The following NEB variants were observed in gnomAD, a reference collection of about 807,000 sequenced individuals.
NEB encodes nebulin.
Under a neutral mutation model 952.2 loss-of-function variants are expected in NEB, and 512 were observed. The observed-to-expected ratio is 0.54, with a 90% CI of 0.50 to 0.58. The LOEUF (loss-of-function observed/expected upper bound fraction) is 0.58, where lower values mean the gene tolerates loss of function less well. NEB is among the 20% of genes least tolerant of loss of function. The pLI, the probability that NEB is intolerant of heterozygous loss-of-function variation, is 0.00. For synonymous variants in NEB, 2,900 were observed against 3,149.8 expected, an observed-to-expected ratio of 0.92 and a Z score of 2.66; for missense variants, 8,428 against 9,231.1, an observed-to-expected ratio of 0.91 and a Z score of 3.56.
At chr2:151,646,078 G>C (rs200970764) in intron 55 of NEB, 52 bp downstream of exon 55, 27 of 1,347,804 alleles carry the variant, frequency 2.0e-5, no homozygotes, top group Non-Finnish European at 2.1e-5. Flanking sequence ...CACTGATTTA[G>C]AAACAATTAA....
intron 46 of NEB, among the ~76,000 whole-genome samples, chr2:151,660,365 T>C (rs772117445): frequency 7.9e-5 from 12 of 152,020 alleles, no homozygotes; most frequent in Admixed American, 3.9e-4. Context: ...TGTGTGTATG[T>C]ATGTATGTAT....
chr2:151,537,357 A>T, intron 140 of NEB, 121 bp from the exon 141 acceptor site: 1 of 592,086 alleles, frequency 1.7e-6, no homozygotes, highest in Non-Finnish European at 3.0e-6. Flanking sequence ...ATAATAAAGT[A>T]TTAAAACAAT....
intron 68 of NEB, among the ~76,000 whole-genome samples, chr2:151,628,500 C>T (rs1333258163): frequency 1.3e-5 from 2 of 152,070 alleles, no homozygotes. Flanking sequence ...TATTTTCTCC[C>T]TATTTCAGAC....
At chr2:151,668,753 C>T (rs2099250443) in intron 39 of NEB, among the ~76,000 whole-genome samples, 1 of 152,084 alleles carries the variant, frequency 6.6e-6, no homozygotes, top group South Asian at 2.1e-4. Flanking sequence ...CCAATCTTGT[C>T]TGTCTCATGT....
intron 44 of NEB, among the ~76,000 whole-genome samples, 155 bp from the exon 45 acceptor site, chr2:151,664,014 T>G (rs2099176331): frequency 2.1e-5 from 1 of 48,546 alleles, no homozygotes; most frequent in Admixed American, 3.5e-4. Context: ...CAAACTCTTT[T>G]TACTTCATTT....
In NEB at chr2:151,672,550, T is replaced by C. The variant is rs1311468353; in HGVS notation, c.4118A>G (p.Asn1373Ser). The C allele has an allele frequency of 2.5e-6, 4 of 1,613,854 alleles. No individual in the cohort carries two copies. The highest frequency in any genetic ancestry group is 3.4e-6 in the Non-Finnish European group (4 of 1,179,894). Residue 1373 changes from asparagine to serine, a missense_variant, in exon 37 of 182, where the codon AAC becomes AGC. This residue lies in a region of NEB where 2,851 missense variants were observed against 2,791.5 expected (regional missense o/e 1.02). Transcript: ENST00000397345. The part of the protein sequence containing the change: ...KLQSDREYKK[N>S]YENTKTSYHT... ...GTAGCTGGTTTTGGTGTTCTCATAG[T>C]TCTTCTTGTATTCACGATCAGACTG...
intron 10 of NEB, among the ~76,000 whole-genome samples, chr2:151,717,016 C>T (rs1488704454): frequency 6.6e-6 from 1 of 152,210 alleles, no homozygotes; most frequent in Admixed American, 6.5e-5. Context: ...GAGACACATT[C>T]TTATTTTTCC....
Position 151,680,019 on chromosome 2 carries a change from C to T in NEB, c.3046G>A (p.Ala1016Thr), listed in dbSNP as rs765248215. 3.6e-5 allele frequency: 58 copies of T among 1,601,514 alleles called. No homozygotes were observed. The highest frequency in any genetic ancestry group is 4.5e-5 in the Non-Finnish European group (53 of 1,168,970). ...KINQAQRSDI[A>T]YKAKGEEIIH... ...ATTTCCTCTCCTTTGGCTTTGTAAG[C>T]GATCTGAAAGAGAAAAAAATGCATA... Residue 1016 changes from alanine to threonine, a missense_variant, in exon 31 of 182, where the codon GCT (alanine) becomes ACT (threonine). By Grantham distance (58) the Ala-to-Thr change is moderately conservative (BLOSUM62 0). Coordinates refer to ENST00000397345, the MANE Select transcript of NEB (RefSeq NM_001164508.2).
chr2:151,678,948 T>C (rs1330019714), intron 32 of NEB, among the ~76,000 whole-genome samples: 3 of 152,054 alleles, frequency 2.0e-5, no homozygotes, highest in Non-Finnish European at 4.4e-5. Flanking sequence ...TTTCAAACAA[T>C]CAGTAAAGTG....
At chr2:151,493,748 A>T in intron 175 of NEB, 27 bp downstream of exon 175, 1 of 1,470,004 alleles carries the variant, frequency 6.8e-7, no homozygotes, top group Non-Finnish European at 9.3e-7. Context: ...TAAGATTTTA[A>T]GGATTTATTT....
At chr2:151,553,212 C>G (rs931873250) in intron 127 of NEB, among the ~76,000 whole-genome samples, 186 bp downstream of exon 127, 1 of 152,196 alleles carries the variant, frequency 6.6e-6, no homozygotes, top group Non-Finnish European at 1.5e-5. Flanking sequence ...CACACCTGGA[C>G]TGCAGTTTAA....
rs751375256 is a variant in NEB at position 151,552,652 on chromosome 2, C to G, written c.19836+20G>C. 1 of 1,576,768 alleles carries G rather than the reference C, an allele frequency of 6.3e-7. No individual in the cohort carries two copies. The highest frequency in any genetic ancestry group is 1.1e-5 in the South Asian group (1 of 89,284). On this transcript the variant is annotated intron_variant, in intron 128 of 181. Coordinates refer to ENST00000397345, the MANE Select transcript of NEB (RefSeq NM_001164508.2). ...CCCTGCTTTATTACTGTCCACTTAA[C>G]TTCCCCAGTGATCACTTACGTCACT...
At chr2:151,501,562 A>G in intron 167 of NEB, 79 bp from the exon 168 acceptor site, 1 of 717,732 alleles carries the variant, frequency 1.4e-6, no homozygotes, top group East Asian at 3.0e-5. Flanking sequence ...AAACAGCCTA[A>G]AAGAAGTATT....
At chr2:151,697,506 CTTTTTTTA>C in intron 14 of NEB, 30 bp downstream of exon 14, 1 of 1,605,808 alleles carries the variant, frequency 6.2e-7, no homozygotes, top group East Asian at 2.2e-5. Flanking sequence ...ATAATGGGTT[CTTTTTTTA>C]ACAGAAAGAG....
intron 107 of NEB, among the ~76,000 whole-genome samples, chr2:151,573,842 T>C (rs181297079): frequency 1.3e-5 from 2 of 152,336 alleles, no homozygotes; most frequent in South Asian, 2.1e-4. Flanking sequence ...CTGGATTATC[T>C]TGTACTCACA....
intron 161 of NEB, among the ~76,000 whole-genome samples, chr2:151,508,734 C>T (rs1330532665): frequency 1.3e-5 from 2 of 152,216 alleles, no homozygotes; most frequent in African/African-American, 2.4e-5. Context: ...TGGAGCACTA[C>T]TAAGGCCAGC....
At chr2:151,565,914 G>T (rs913744597) in intron 114 of NEB, 94 bp from the exon 115 acceptor site, 7 of 757,294 alleles carry the variant, frequency 9.2e-6, no homozygotes, top group Non-Finnish European at 1.5e-5. Flanking sequence ...GCTTTTAAAG[G>T]ATTTCTCTCT....
rs530734065 is a variant in NEB at position 151,553,158 on chromosome 2, T to C, written c.19731+240A>G. Among the ~76,000 whole-genome samples the C allele has an allele frequency of 7.9e-5, 12 of 152,206 alleles. No homozygotes were observed. The South Asian group carries it at 1.2e-3, about 16-fold the overall frequency. ...AATATATCCAAAATAGCCTAAAACA[T>C]AGAAAGAGAAGATGCTGGTCCCTTC... is the stretch of plus-strand genomic sequence containing the variant. On this transcript the variant is annotated intron_variant, in intron 127 of 181. Coordinates refer to ENST00000397345, the MANE Select transcript of NEB (RefSeq NM_001164508.2).
At chr2:151,631,396 A>C in intron 65 of NEB, 50 bp from the exon 66 acceptor site, 2 of 1,550,578 alleles carry the variant, frequency 1.3e-6, no homozygotes, top group Non-Finnish European at 1.8e-6. Context: ...CACAATATTT[A>C]GGGTAAATAT....
Sources: gnomAD v4.1 joint callset for allele counts (sites outside exome capture counted in the v4.1 genomes callset) on GRCh38, gnomAD v4.1.1 for gene constraint, gnomAD v4.1.1 regional missense constraint, MANE v1.5 for transcripts, NCBI Gene and HGNC (gene_info 2026-07-23, HGNC 2026-07-21) for gene names.